FGGY: variants seen among roughly 807,000 people sequenced by gnomAD.
FGGY encodes FGGY carbohydrate kinase domain containing.
FGGY carries 72 observed loss-of-function variants against 71.3 expected under a neutral mutation model. The observed-to-expected ratio is 1.01, with a 90% CI of 0.84 to 1.23. FGGY has a LOEUF of 1.23. Among genes scored for constraint, FGGY ranks in the 50% most tolerant of loss-of-function variants. The probability of loss-of-function intolerance (pLI) is 0.00; values close to 1 mark genes in which losing one functional copy is unlikely to be tolerated. For synonymous variants in FGGY, 251 were observed against 250.3 expected (o/e 1.00, Z -0.02); for missense variants, 668 against 682.3 (o/e 0.98, Z 0.23).
chr1:59,341,648 G>A (rs2050725855), intron 3 of FGGY, among the ~76,000 whole-genome samples: 1 of 152,084 alleles, frequency 6.6e-6, no homozygotes, highest in South Asian at 2.1e-4. Context: ...TGGCTCAGTT[G>A]GCACTGTTCT....
intron 14 of FGGY, among the ~76,000 whole-genome samples, chr1:59,694,187 G>T (rs2097629732): frequency 6.6e-6 from 1 of 151,596 alleles, no homozygotes; most frequent in Non-Finnish European, 1.5e-5. Flanking sequence ...TACTCGGGAG[G>T]CTGAGGCAGG....
chr1:59,618,055 A>G (rs754665472), intron 9 of FGGY, among the ~76,000 whole-genome samples: 1 of 151,844 alleles, frequency 6.6e-6, no homozygotes, highest in African/African-American at 2.4e-5. Flanking sequence ...TCATTCATTC[A>G]CTCCTTCCAT....
chr1:59,628,064 G>T (rs1209499030), intron 10 of FGGY, among the ~76,000 whole-genome samples: 1 of 152,174 alleles, frequency 6.6e-6, no homozygotes, highest in Non-Finnish European at 1.5e-5. Flanking sequence ...GCTAAAATTA[G>T]TGAGTAAAAG....
intron 8 of FGGY, among the ~76,000 whole-genome samples, chr1:59,602,911 A>G (rs781253797): frequency 6.6e-6 from 1 of 152,160 alleles, no homozygotes; most frequent in Admixed American, 6.5e-5. Context: ...CGACCATGCC[A>G]CTTCATTAGT....
At chr1:59,727,448 G>A (rs963144906) in intron 14 of FGGY, among the ~76,000 whole-genome samples, 1 of 152,126 alleles carries the variant, frequency 6.6e-6, no homozygotes, top group African/African-American at 2.4e-5. Context: ...TCTGTTTTAA[G>A]TTCTTTGAAA....
intron 8 of FGGY, among the ~76,000 whole-genome samples, chr1:59,561,553 C>A (rs190734669): frequency 1.2e-4 from 19 of 152,260 alleles, no homozygotes; most frequent in African/African-American, 4.6e-4. Flanking sequence ...CAGGCAGTAG[C>A]ACCCTTTCCT....
At chr1:59,577,926 A>G (rs2096112727) in intron 8 of FGGY, among the ~76,000 whole-genome samples, 1 of 152,120 alleles carries the variant, frequency 6.6e-6, no homozygotes, top group Admixed American at 6.6e-5. Flanking sequence ...TTTCAGCCAC[A>G]TGTAACAGAA....
chr1:59,601,368 G>A (rs68185860), intron 8 of FGGY, among the ~76,000 whole-genome samples: 14,822 of 152,160 alleles, frequency 0.097, 855 homozygotes, highest in South Asian at 0.3. Context: ...GTCACCACAG[G>A]GAAACTCGGC....
At position 59,554,337 on chromosome 1, in the gene FGGY, C is replaced by T. The variant is rs1482244156; in HGVS notation, c.903+110C>T. ...TTTCACTTCTTTCCTCTTTTCCCTG[C>T]CTGCCCCTTGTGCTTTGTCTAGCCA... On this transcript the variant is annotated intron_variant, in intron 8 of 15. Transcript: ENST00000303721. The T allele has an allele frequency of 1.2e-5, 9 of 755,646 alleles. No individual in the cohort carries two copies. The East Asian group carries it at 2.6e-4, about 22-fold the overall frequency. The allele number at this position is 755,646 out of a possible 1,614,324, so 46.8% of individuals were successfully genotyped here.
intron 6 of FGGY, among the ~76,000 whole-genome samples, chr1:59,466,028 A>G (rs1331973223): frequency 6.6e-6 from 1 of 152,214 alleles, no homozygotes; most frequent in African/African-American, 2.4e-5. Context: ...ATGGAACCAA[A>G]AAAGAGCTCA....
chr1:59,334,423 C>T (rs2010529), intron 2 of FGGY, among the ~76,000 whole-genome samples: 29,045 of 152,102 alleles, frequency 0.19, 3,353 homozygotes, highest in East Asian at 0.35. Flanking sequence ...GGATTACAGG[C>T]GTGAGCCATT....
intron 14 of FGGY, among the ~76,000 whole-genome samples, chr1:59,734,316 A>G (rs1471547286): frequency 6.6e-6 from 1 of 151,832 alleles, no homozygotes. Flanking sequence ...TGATCCTCCC[A>G]TCTCACCTCC....
intron 14 of FGGY, among the ~76,000 whole-genome samples, chr1:59,715,121 G>A (rs182423401): frequency 6.6e-6 from 1 of 152,124 alleles, no homozygotes; most frequent in Non-Finnish European, 1.5e-5. Context: ...GAACTTGCTG[G>A]GTTTGTTAAG....
intron 5 of FGGY, among the ~76,000 whole-genome samples, chr1:59,403,155 G>A (rs1277055767): frequency 6.6e-6 from 1 of 152,176 alleles, no homozygotes; most frequent in African/African-American, 2.4e-5. Flanking sequence ...TTACCAGTGT[G>A]CTGGATGCTT....
intron 1 of FGGY, chr1:59,315,490 C>T (rs1305693518): frequency 6.6e-6 from 1 of 150,890 alleles, no homozygotes; most frequent in Non-Finnish European, 1.5e-5. Context: ...TCCTTTTCCT[C>T]AGATTCTTTT....
intron 14 of FGGY, among the ~76,000 whole-genome samples, chr1:59,744,410 A>G (rs997757714): frequency 1.4e-4 from 22 of 152,308 alleles, no homozygotes; most frequent in African/African-American, 5.3e-4. Context: ...CAGTAGAGAC[A>G]GGGTTTCACC....
chr1:59,354,643 C>T (rs2053940407), intron 4 of FGGY, among the ~76,000 whole-genome samples: 1 of 152,136 alleles, frequency 6.6e-6, no homozygotes, highest in South Asian at 2.1e-4. Context: ...TTCATTGTTT[C>T]ATTTAAGAAA....
chr1:59,597,770 G>A lies in FGGY; in HGVS notation c.904-10033G>A, dbSNP rs562157438. The stretch of plus-strand genomic sequence containing the variant: ...ACTCTCGGCTGGAGACTGCCCTCAG[G>A]CATCCTTTTAACGGAACTCTAAAGT... On this transcript the variant is annotated intron_variant, in intron 8 of 15. Transcript: ENST00000303721. 2.0e-5 allele frequency among the ~76,000 whole-genome samples: 3 copies of A among 152,274 alleles called. No homozygotes were observed. The South Asian group carries it at 6.2e-4, about 32-fold the overall frequency.
At chr1:59,470,687 CAGTGCTGGA>C (rs2092897469) in intron 6 of FGGY, among the ~76,000 whole-genome samples, 2 of 152,190 alleles carry the variant, frequency 1.3e-5, no homozygotes, top group African/African-American at 2.4e-5. Flanking sequence ...GCATTATGTC[CAGTGCTGGA>C]AGCCTGAATC....
Sources: gnomAD v4.1 joint callset for allele counts (sites outside exome capture counted in the v4.1 genomes callset) on GRCh38, gnomAD v4.1.1 for gene constraint, MANE v1.5 for transcripts, NCBI Gene and HGNC (gene_info 2026-07-23, HGNC 2026-07-21) for gene names.